The following TMPRSS9 variants were observed in gnomAD, a reference collection of about 807,000 sequenced individuals.
TMPRSS9 encodes transmembrane serine protease 9, also known as transmembrane protease serine 9.
Under a neutral mutation model 111.4 loss-of-function variants are expected in TMPRSS9, and 113 were observed. The ratio of observed to expected loss-of-function variants is 1.01; its 90% CI spans 0.87 to 1.19. TMPRSS9 has a LOEUF of 1.19. Ranked by LOEUF, TMPRSS9 falls within the 50% of genes most tolerant of loss-of-function variation. The probability of loss-of-function intolerance (pLI) is 0.00; values close to 1 mark genes in which losing one functional copy is unlikely to be tolerated. For synonymous variants in TMPRSS9, 805 were observed against 659.1 expected (o/e 1.22, Z -3.39); for missense variants, 1,803 against 1,513.1 (o/e 1.19, Z -3.18).
rs145070528 is a variant in TMPRSS9 at position 2,378,758 on chromosome 19, A to G, written c.-25-11003A>G. ...TGAGACTAGGTAATTTATAAAAGAAAAAGAGTTTTAATTGACTCACAGTTC... is the reference window on the plus strand; with the variant it reads ...TGAGACTAGGTAATTTATAAAAGAAGAAGAGTTTTAATTGACTCACAGTTC... On this transcript the variant is annotated intron_variant, in intron 1 of 17. Coordinates refer to the TMPRSS9 transcript ENST00000649857. Among the ~76,000 whole-genome samples, 142 of 152,284 alleles carry G rather than the reference A, an allele frequency of 9.3e-4. 2 individuals carry two copies. The East Asian group carries it at 0.025, about 27-fold the overall frequency.
At chr19:2,384,945 G>A (rs1183970368), upstream of TMPRSS9, among the ~76,000 whole-genome samples, 1 of 146,008 alleles carries the variant, frequency 6.8e-6, no homozygotes, top group Non-Finnish European at 1.5e-5. Flanking sequence ...TCATGCCACT[G>A]CACTCCAGCC....
At chr19:2,401,389 C>G (rs1262976919) in intron 4 of TMPRSS9, among the ~76,000 whole-genome samples, 1 of 152,170 alleles carries the variant, frequency 6.6e-6, no homozygotes, top group Non-Finnish European at 1.5e-5. Flanking sequence ...CACAGAACTT[C>G]CCTTGGTGAT....
chr19:2,378,581 G>T (rs574903434), intron 1 of TMPRSS9, among the ~76,000 whole-genome samples: 6 of 152,270 alleles, frequency 3.9e-5, no homozygotes, highest in Admixed American at 3.9e-4. Context: ...AGCCAGGCAT[G>T]GTGGTGCACA....
chr19:2,377,089 C>T (rs78431187), intron 1 of TMPRSS9, among the ~76,000 whole-genome samples: 6,871 of 151,072 alleles, frequency 0.045, 177 homozygotes, highest in African/African-American at 0.053. Context: ...CCTGGCTATC[C>T]GCATGCTGGT....
exon 10 of TMPRSS9, chr19:2,413,732 G>A (rs1296623299): frequency 7.4e-6 from 12 of 1,612,804 alleles, no homozygotes; most frequent in African/African-American, 1.3e-5. Flanking sequence ...TCTGCGAGGA[G>A]CCCTCTGGCC....
rs1400745470 is a variant in TMPRSS9, at chr19:2,425,275, C to A, written c.2983+8C>A. The A allele has an allele frequency of 1.6e-6, 2 of 1,254,248 alleles. No homozygotes were observed. Among genetic ancestry groups the A allele is most frequent in the Non-Finnish European group, 2.0e-6 (2 of 997,750 alleles). 77.7% of individuals were successfully genotyped at this position (1,254,248 alleles called of 1,614,324 possible). ...GCTCGGTGCGCGAAGGAGGTAGGCG[C>A]GCCCGGGGCCGCGGTGGTGCGGGGC... On this transcript the variant is annotated splice_region_variant and intron_variant, in intron 16 of 17. Transcript: ENST00000648592.
At chr19:2,385,130 C>CCGGAGCTCGCAGGGGG (rs1177953385), upstream of TMPRSS9, among the ~76,000 whole-genome samples, 9 of 144,686 alleles carry the variant, frequency 6.2e-5, no homozygotes, top group South Asian at 6.4e-4. Context: ...GGGGTCACAG[C>CCGGAGCTCGCAGGGGG]CGGAGCTCGC....
intron 1 of TMPRSS9, among the ~76,000 whole-genome samples, chr19:2,379,659 T>TTCTTTCTTTCTTTCTTTC (rs1332830405): frequency 6.7e-6 from 1 of 149,702 alleles, no homozygotes; most frequent in Non-Finnish European, 1.5e-5. Flanking sequence ...CTTTCTTTCT[T>TTCTTTCTTTCTTTCTTTC]TCTTTCTTTC....
intron 4 of TMPRSS9, among the ~76,000 whole-genome samples, chr19:2,401,548 G>A (rs868330087): frequency 1.6e-4 from 25 of 152,100 alleles, no homozygotes; most frequent in Admixed American, 8.5e-4. Flanking sequence ...ACGCCAGGGT[G>A]GACAAGGCAG....
chr19:2,408,536 C>G lies in TMPRSS9; in HGVS notation c.1023C>G (p.His341Gln), dbSNP rs528292258. 1.9e-6 allele frequency: 3 copies of G among 1,613,668 alleles called. No individual in the cohort carries two copies. The African/African-American group carries it at 4.0e-5, about 22-fold the overall frequency. ...CCAGCCCTCTGCCTTTCGGCCGGCA[C>G]ATCCAGCCCGTGTGCCTCCCGGCTG... Residue 341 changes from histidine (H) to glutamine (Q), a missense_variant, in exon 8 of 18, where the codon CAC (histidine) becomes CAG (glutamine). Physicochemically the swap from His to Gln is conservative, Grantham distance 24. Coordinates refer to ENST00000648592, the Ensembl canonical transcript of TMPRSS9.
intron 9 of TMPRSS9, among the ~76,000 whole-genome samples, chr19:2,413,371 C>G (rs951522531): frequency 1.3e-5 from 2 of 152,000 alleles, no homozygotes; most frequent in Non-Finnish European, 2.9e-5. Flanking sequence ...ATACTGCCAG[C>G]CTAAGCAAGT....
chr19:2,393,648 C>G (rs1368521968), intron 1 of TMPRSS9, among the ~76,000 whole-genome samples: 5 of 152,040 alleles, frequency 3.3e-5, no homozygotes, highest in Admixed American at 1.3e-4. Context: ...CCCGGTAATC[C>G]CAGCACTTTG....
chr19:2,401,074 A>C (rs1225173389), intron 4 of TMPRSS9, among the ~76,000 whole-genome samples: 2 of 150,096 alleles, frequency 1.3e-5, no homozygotes, highest in Non-Finnish European at 3.0e-5. Flanking sequence ...GGAGATCGAG[A>C]CCATCCTGGC....
intron 1 of TMPRSS9, among the ~76,000 whole-genome samples, chr19:2,368,792 T>TTTTTTTTTTTTTTTTTTTTTTTTTTTG (rs1970267221): frequency 8.3e-6 from 1 of 120,656 alleles, no homozygotes; most frequent in Non-Finnish European, 1.7e-5. Flanking sequence ...TTTTTTTTTT[T>TTTTTTTTTTTTTTTTTTTTTTTTTTTG]TTTTTTTTTA....
Position 2,396,580 on chromosome 19 carries a change from G to T in TMPRSS9, c.184G>T (p.Glu62Ter). The T allele has an allele frequency of 1.2e-6, 2 of 1,611,154 alleles. No individual in the cohort carries two copies. The highest frequency in any genetic ancestry group is 1.7e-6 in the Non-Finnish European group (2 of 1,178,952). Residue 62 changes from glutamate (E) to a stop codon, truncating the protein, a stop_gained, in exon 2 of 18, where the codon GAG (glutamate) becomes TAG (stop). Coordinates refer to ENST00000648592, the Ensembl canonical transcript of TMPRSS9. LOFTEE classifies it high-confidence loss of function. The stretch of plus-strand genomic sequence containing the variant: ...GGGCTTCCACGTGGACCACACGGCC[G>T]AGCTGCGGGGAATCCGGTGGACCAG...
At chr19:2,403,110 C>G (rs191226188) in exon 6 of TMPRSS9, 1 of 1,611,898 alleles carries the variant, frequency 6.2e-7, no homozygotes, top group Non-Finnish European at 8.5e-7. Context: ...CCTTTTCCTG[C>G]GGGAACAGCC....
intron 1 of TMPRSS9, among the ~76,000 whole-genome samples, chr19:2,363,069 G>A (rs762717975): frequency 5.3e-5 from 8 of 152,210 alleles, no homozygotes; most frequent in Non-Finnish European, 8.8e-5. Flanking sequence ...GCCCTGCAGA[G>A]CCTCACGCCG....
intron 1 of TMPRSS9, among the ~76,000 whole-genome samples, chr19:2,395,393 A>G (rs1970685198): frequency 6.6e-6 from 1 of 151,940 alleles, no homozygotes; most frequent in Non-Finnish European, 1.5e-5. Context: ...AGAAAACACC[A>G]CTGCACTCCA....
At chr19:2,379,756 CTCT>C (rs1970371873) in intron 1 of TMPRSS9, among the ~76,000 whole-genome samples, 1 of 148,246 alleles carries the variant, frequency 6.7e-6, no homozygotes, top group African/African-American at 2.5e-5. Context: ...CTCTCATTCT[CTCT>C]TTTCTCTCTT....
Sources: allele counts gnomAD v4.1 joint callset (sites outside exome capture counted in the v4.1 genomes callset), GRCh38; gene constraint gnomAD v4.1.1; transcripts MANE v1.5; gene names NCBI Gene and HGNC (gene_info 2026-07-23, HGNC 2026-07-21).